The following TBC1D5 variants were observed in gnomAD, a reference collection of about 807,000 sequenced individuals.
The protein encoded by TBC1D5 is TBC1 domain family member 5, also known as TBC1 domain family, member 5.
A neutral mutation model predicts 100.3 loss-of-function variants in TBC1D5; 75 were observed. That is an observed-to-expected ratio of 0.75 (90% CI 0.62 to 0.91). The LOEUF (loss-of-function observed/expected upper bound fraction) is 0.91. Among genes scored for constraint, TBC1D5 ranks in the 40% least tolerant of loss-of-function variants. The pLI is 0.00. For synonymous variants in TBC1D5, 323 were observed against 325.6 expected (o/e 0.99, Z 0.09); for missense variants, 910 against 942.4 (o/e 0.97, Z 0.45).
intron 13 of TBC1D5, among the ~76,000 whole-genome samples, chr3:17,324,958 A>C (rs959184905): frequency 2.0e-5 from 3 of 152,240 alleles, no homozygotes; most frequent in African/African-American, 4.8e-5. Flanking sequence ...AGTGGTGACC[A>C]AGGATACAAA....
At chr3:17,392,208 T>A (rs899242053) in intron 8 of TBC1D5, among the ~76,000 whole-genome samples, 2 of 152,072 alleles carry the variant, frequency 1.3e-5, no homozygotes, top group Non-Finnish European at 2.9e-5. Context: ...TTAGATTTTT[T>A]ATTTTTTATT....
chr3:17,255,189 G>A (rs1433859227), intron 16 of TBC1D5, among the ~76,000 whole-genome samples: 1 of 152,042 alleles, frequency 6.6e-6, no homozygotes, highest in Admixed American at 6.6e-5. Context: ...GAGACAGAAT[G>A]GCCACTTAGG....
chr3:17,568,933 G>A (rs1055111345), intron 2 of TBC1D5, among the ~76,000 whole-genome samples: 3 of 151,464 alleles, frequency 2.0e-5, no homozygotes, highest in African/African-American at 2.4e-5. Flanking sequence ...AAAAAGTCAC[G>A]GATCTGCCCT....
At chr3:17,739,912 G>C (rs973601871) in exon 1 of TBC1D5, 30 of 152,236 alleles carry the variant, frequency 2.0e-4, no homozygotes, top group African/African-American at 6.5e-4. Context: ...GGCTGAGGCA[G>C]GAGAATCGCT....
intron 15 of TBC1D5, among the ~76,000 whole-genome samples, chr3:17,271,322 C>T (rs2079401845): frequency 6.6e-6 from 1 of 152,024 alleles, no homozygotes; most frequent in South Asian, 2.1e-4. Flanking sequence ...CTTGTAGAGA[C>T]CTTTCATGTC....
At chr3:17,620,047 C>T (rs1024286629) in intron 2 of TBC1D5, among the ~76,000 whole-genome samples, 3 of 152,220 alleles carry the variant, frequency 2.0e-5, no homozygotes, top group African/African-American at 7.2e-5. Context: ...CACTCTCATA[C>T]ACTGCAGCAG....
chr3:17,193,380 C>G (rs2070224892), intron 18 of TBC1D5, among the ~76,000 whole-genome samples: 1 of 152,218 alleles, frequency 6.6e-6, no homozygotes, highest in Admixed American at 6.5e-5. Flanking sequence ...AATTACATAT[C>G]AACTTCACAT....
intron 1 of TBC1D5, among the ~76,000 whole-genome samples, chr3:17,632,514 T>C (rs1276822023): frequency 6.6e-6 from 1 of 152,182 alleles, no homozygotes; most frequent in Non-Finnish European, 1.5e-5. Context: ...GTGGGTAAAA[T>C]GCTATCAAAC....
chr3:17,489,155 A>G (rs909082131), intron 3 of TBC1D5, among the ~76,000 whole-genome samples: 4 of 152,052 alleles, frequency 2.6e-5, no homozygotes, highest in African/African-American at 9.7e-5. Flanking sequence ...TGAGTATCAA[A>G]TAAGGGTCAA....
chr3:17,727,295 C>T (rs1444639590), intron 1 of TBC1D5, among the ~76,000 whole-genome samples: 3 of 152,212 alleles, frequency 2.0e-5, no homozygotes, highest in African/African-American at 4.8e-5. Flanking sequence ...ACAGGAGAAT[C>T]GCTTGATCCC....
At chr3:17,419,334 C>T (rs1368384514) in intron 4 of TBC1D5, among the ~76,000 whole-genome samples, 4 of 152,134 alleles carry the variant, frequency 2.6e-5, no homozygotes, top group Non-Finnish European at 5.9e-5. Flanking sequence ...ATTGTGTGTA[C>T]TTTCCTCTCT....
chr3:17,389,032 A>G (rs2093265913), intron 8 of TBC1D5, among the ~76,000 whole-genome samples: 1 of 152,192 alleles, frequency 6.6e-6, no homozygotes, highest in African/African-American at 2.4e-5. Flanking sequence ...ATTTGTCAGT[A>G]CATTGCAATT....
intron 9 of TBC1D5, among the ~76,000 whole-genome samples, chr3:17,380,045 A>ATGTGTGTGTGTGTGTGTGTGTGTG (rs3041142): frequency 2.7e-5 from 3 of 112,448 alleles, no homozygotes; most frequent in Admixed American, 1.7e-4. Context: ...GTGACTGTGT[A>ATGTGTGTGTGTGTGTGTGTGTGTG]TGTGTGTGTG....
At chr3:17,416,653 T>C (rs2094080989) in intron 4 of TBC1D5, among the ~76,000 whole-genome samples, 1 of 152,224 alleles carries the variant, frequency 6.6e-6, no homozygotes, top group Non-Finnish European at 1.5e-5. Context: ...GTGCTACCAA[T>C]AAGACTATTA....
intron 1 of TBC1D5, chr3:17,702,344 C>G (rs2073333025): frequency 7.4e-6 from 1 of 134,904 alleles, no homozygotes; most frequent in Non-Finnish European, 1.6e-5. Context: ...AAAACAGAAT[C>G]ATAACTAATA....
rs573391689 is a variant in TBC1D5 at position 17,328,240 on chromosome 3, A to T, written c.996-20106T>A. Among the ~76,000 whole-genome samples, 12 of 152,146 alleles carry T rather than the reference A, an allele frequency of 7.9e-5. No homozygotes were observed. The South Asian group carries it at 2.3e-3, about 29-fold the overall frequency. ...AGCCATGAACAGGCCACTGCACTCC[A>T]GCCTGAGTGACAGAGGAGACCCTGT... On this transcript the variant is annotated intron_variant, in intron 13 of 21. Coordinates refer to ENST00000253692, the Ensembl canonical transcript of TBC1D5.
chr3:17,178,066 CTT>C (rs34673889), intron 19 of TBC1D5, among the ~76,000 whole-genome samples: 9 of 130,022 alleles, frequency 6.9e-5, no homozygotes, highest in Admixed American at 8.0e-5. Context: ...AATAGTGCTC[CTT>C]TTTTTTTTTT....
chr3:17,158,795 C>G (rs1378461736), exon 22 of TBC1D5: 1 of 152,260 alleles, frequency 6.6e-6, no homozygotes, highest in African/African-American at 2.4e-5. Context: ...TATCATGACT[C>G]TAGCTCTAGG....
intron 2 of TBC1D5, among the ~76,000 whole-genome samples, chr3:17,605,034 A>G (rs2061249303): frequency 6.6e-6 from 1 of 152,200 alleles, no homozygotes; most frequent in Non-Finnish European, 1.5e-5. Flanking sequence ...CAAAATATCC[A>G]TCTTTACATT....
Sources: allele counts gnomAD v4.1 joint callset (sites outside exome capture counted in the v4.1 genomes callset), GRCh38; gene constraint gnomAD v4.1.1; transcripts MANE v1.5; gene names NCBI Gene and HGNC (gene_info 2026-07-23, HGNC 2026-07-21).